The following MYO1E variants were observed in gnomAD, a reference collection of about 807,000 sequenced individuals.
MYO1E encodes myosin IE, also known as unconventional myosin-Ie.
A neutral mutation model predicts 151.1 loss-of-function variants in MYO1E; 68 were observed. That is an observed-to-expected ratio of 0.45 (90% confidence interval 0.37 to 0.55). The LOEUF is 0.55. Ranked by LOEUF, MYO1E falls within the 20% of genes least tolerant of loss-of-function variation. MYO1E has a pLI of 0.00. For synonymous variants in MYO1E, 601 were observed against 501.7 expected (o/e 1.20, Z -2.64); for missense variants, 1,363 against 1,389.3 (o/e 0.98, Z 0.30).
At chr15:59,237,790 T>C (rs566120040) in intron 4 of MYO1E, among the ~76,000 whole-genome samples, 1 of 152,306 alleles carries the variant, frequency 6.6e-6, no homozygotes, top group African/African-American at 2.4e-5. Flanking sequence ...GACACTCCTA[T>C]TCCCAAAAGG....
At chr15:59,353,498 T>C (rs7168074) in intron 1 of MYO1E, among the ~76,000 whole-genome samples, 21,048 of 151,936 alleles carry the variant, frequency 0.14, 1,677 homozygotes, top group East Asian at 0.29. Flanking sequence ...GGCTCACACC[T>C]GTAATCTCAG....
At chr15:59,285,595 C>T (rs1310588276) in intron 1 of MYO1E, among the ~76,000 whole-genome samples, 2 of 151,992 alleles carry the variant, frequency 1.3e-5, no homozygotes, top group Non-Finnish European at 1.5e-5. Context: ...GTGATCCACC[C>T]ACCTTGGCCT....
At chr15:59,355,694 C>T (rs933703659) in intron 1 of MYO1E, among the ~76,000 whole-genome samples, 4 of 147,380 alleles carry the variant, frequency 2.7e-5, no homozygotes, top group Non-Finnish European at 6.0e-5. Flanking sequence ...CTTTCGATTC[C>T]TTTTTCCATC....
At chr15:59,307,020 G>A (rs1225776301) in intron 1 of MYO1E, among the ~76,000 whole-genome samples, 1 of 152,202 alleles carries the variant, frequency 6.6e-6, no homozygotes, top group Admixed American at 6.5e-5. Context: ...AGAGACTTGA[G>A]AACGGGATGC....
chr15:59,220,310 G>A (rs189807581), intron 9 of MYO1E, among the ~76,000 whole-genome samples: 133 of 152,268 alleles, frequency 8.7e-4, no homozygotes, highest in African/African-American at 2.4e-3. Flanking sequence ...TTAGCCAGGC[G>A]TGGTGGTGCG....
chr15:59,319,086 G>A (rs2080607936), intron 1 of MYO1E, among the ~76,000 whole-genome samples: 1 of 152,124 alleles, frequency 6.6e-6, no homozygotes, highest in Non-Finnish European at 1.5e-5. Flanking sequence ...CAAGGCAGGT[G>A]GATCACTTGA....
At chr15:59,204,331 GA>G (rs1262019685) in intron 15 of MYO1E, among the ~76,000 whole-genome samples, 6 of 152,222 alleles carry the variant, frequency 3.9e-5, no homozygotes, top group Non-Finnish European at 5.9e-5. Flanking sequence ...ACCAGGGCCT[GA>G]AAAGGAAACT....
chr15:59,305,560 G>T (rs1555418618), intron 1 of MYO1E, among the ~76,000 whole-genome samples: 1 of 152,040 alleles, frequency 6.6e-6, no homozygotes, highest in Non-Finnish European at 1.5e-5. Context: ...GTATTAAACT[G>T]CCCCTTGAAC....
intron 1 of MYO1E, among the ~76,000 whole-genome samples, chr15:59,304,646 C>T (rs2080503956): frequency 6.6e-6 from 1 of 152,164 alleles, no homozygotes; most frequent in Non-Finnish European, 1.5e-5. Flanking sequence ...TCTGCTGAAA[C>T]TATGCTCTGT....
At chr15:59,141,431 TA>T (rs1159310459) in intron 26 of MYO1E, among the ~76,000 whole-genome samples, 1 of 152,214 alleles carries the variant, frequency 6.6e-6, no homozygotes, top group Admixed American at 6.5e-5. Context: ...ATACTTAATA[TA>T]ATGTAAATGC....
chr15:59,185,867 C>A (rs1246700171), intron 18 of MYO1E, among the ~76,000 whole-genome samples: 3 of 152,094 alleles, frequency 2.0e-5, no homozygotes, highest in African/African-American at 7.2e-5. Context: ...TGGGTGGAGG[C>A]CAAGAAGGCT....
chr15:59,280,384 G>A (rs1324674548), intron 1 of MYO1E, among the ~76,000 whole-genome samples: 3 of 152,038 alleles, frequency 2.0e-5, no homozygotes, highest in African/African-American at 7.2e-5. Flanking sequence ...CAGCACTTTG[G>A]GAAGCCAAGG....
chr15:59,229,285 T>C (rs1379341708), intron 6 of MYO1E, among the ~76,000 whole-genome samples: 1 of 152,174 alleles, frequency 6.6e-6, no homozygotes, highest in Admixed American at 6.5e-5. Context: ...TCCAACATGC[T>C]GTCAGCCCAG....
chr15:59,164,580 G>C (rs2079554206), intron 22 of MYO1E, among the ~76,000 whole-genome samples: 1 of 152,218 alleles, frequency 6.6e-6, no homozygotes, highest in African/African-American at 2.4e-5. Flanking sequence ...AGAGGACTGA[G>C]CTGTGGAGAA....
At chr15:59,267,395 G>C (rs1258736390) in intron 2 of MYO1E, among the ~76,000 whole-genome samples, 2 of 152,182 alleles carry the variant, frequency 1.3e-5, no homozygotes, top group African/African-American at 4.8e-5. Flanking sequence ...ACTTCCTTGG[G>C]TTCATCCCTG....
intron 1 of MYO1E, among the ~76,000 whole-genome samples, chr15:59,346,797 G>C (rs2080796490): frequency 6.6e-6 from 1 of 152,036 alleles, no homozygotes; most frequent in Admixed American, 6.6e-5. Context: ...CACAGCTGTA[G>C]TTCCAGCTAC....
At chr15:59,207,610 G>T (rs765323675) in intron 14 of MYO1E, 1 of 1,614,008 alleles carries the variant, frequency 6.2e-7, no homozygotes, top group East Asian at 2.2e-5. Flanking sequence ...TTTCTTGATT[G>T]GACAAAAGCT....
chr15:59,267,127 G>C (rs1596392246), intron 2 of MYO1E, among the ~76,000 whole-genome samples: 2 of 137,302 alleles, frequency 1.5e-5, no homozygotes, highest in Admixed American at 8.2e-5. Context: ...CCGGGTTCAA[G>C]CAATTCTCCT....
intron 1 of MYO1E, among the ~76,000 whole-genome samples, chr15:59,276,650 T>C (rs2080321000): frequency 6.6e-6 from 1 of 152,164 alleles, no homozygotes. Context: ...CCTATCCACA[T>C]AATAGCCTGG....
Sources: allele counts gnomAD v4.1 joint callset (sites outside exome capture counted in the v4.1 genomes callset), GRCh38; gene constraint gnomAD v4.1.1; transcripts MANE v1.5; gene names NCBI Gene and HGNC (gene_info 2026-07-23, HGNC 2026-07-21).